Variants in COL20A1 observed in about 807,000 individuals in gnomAD.
COL20A1 encodes collagen alpha-1(XX) chain.
Under a neutral mutation model 152.9 loss-of-function variants are expected in COL20A1, and 164 were observed. The observed-to-expected ratio is 1.07, with a 90% confidence interval of 0.94 to 1.22. The LOEUF (loss-of-function observed/expected upper bound fraction) is 1.22, where lower values mean the gene tolerates loss of function less well. COL20A1 is among the 50% of genes most tolerant of loss of function. COL20A1 has a pLI of 0.00. For synonymous variants in COL20A1, 864 were observed against 756.0 expected (o/e 1.14, Z -2.34); for missense variants, 1,873 against 1,744.8 (o/e 1.07, Z -1.31).
chr20:63,328,242 C>T (rs2068281074), intron 33 of COL20A1, 89 bp from the exon 34 acceptor site: 3 of 1,552,480 alleles, frequency 1.9e-6, no homozygotes, highest in Admixed American at 1.8e-5. Context: ...ATCGTTAGCA[C>T]ACCTGGGCCA....
rs1297228522 is a variant in COL20A1, at chr20:63,311,565, G to A, written c.1539+26G>A. The A allele has an allele frequency of 6.2e-7, 1 of 1,608,240 alleles. No homozygotes were observed. On this transcript the variant is annotated intron_variant, in intron 12 of 35. Transcript: ENST00000358894. This position sits in a 1 kb window ranked among gnomAD's most constrained non-coding sequence, Gnocchi z 4.4. Reference sequence around the variant, plus strand: ...GTGAGCTGGGCCGGGGGGTGGCGGGGGAGGCAGAGGAGTGGGGCAGAGCGA... The same window carrying A: ...GTGAGCTGGGCCGGGGGGTGGCGGGAGAGGCAGAGGAGTGGGGCAGAGCGA...
intron 19 of COL20A1, among the ~76,000 whole-genome samples, chr20:63,315,072 G>A (rs1454401265): frequency 6.6e-6 from 1 of 152,246 alleles, no homozygotes; most frequent in African/African-American, 2.4e-5. Flanking sequence ...GGCCCTGCCA[G>A]TTCAGGGCAC....
rs1185273426 is a variant in COL20A1 at position 63,305,619 on chromosome 20, C to T, written c.337+59C>T. On this transcript the variant is annotated intron_variant, in intron 4 of 35. Coordinates refer to ENST00000358894, the MANE Select transcript of COL20A1 (RefSeq NM_020882.4). This position sits in a 1 kb window ranked among gnomAD's most constrained non-coding sequence, Gnocchi z 4.9. ...CCTCCAGGCCGGGTCCCACCCTCCT[C>T]TGGGCTGGGGTCCCACCCTCCTCCA... 5.3e-6 allele frequency: 8 copies of T among 1,513,386 alleles called. No homozygotes were observed. The highest frequency in any genetic ancestry group is 7.1e-6 in the Non-Finnish European group (8 of 1,128,070). The allele number at this position is 1,513,386 out of a possible 1,614,324, so 93.7% of individuals were successfully genotyped here.
chr20:63,310,050 C>T, intron 10 of COL20A1, 135 bp downstream of exon 10: 3 of 883,148 alleles, frequency 3.4e-6, no homozygotes, highest in Non-Finnish European at 1.7e-6. Flanking sequence ...GAGGGGCTGA[C>T]AGCCCAGGGA....
At chr20:63,322,211 GCAGCTTCC>G in intron 27 of COL20A1, 100 bp downstream of exon 27, 1 of 1,003,000 alleles carries the variant, frequency 1.0e-6, no homozygotes, top group Non-Finnish European at 1.4e-6. Context: ...GGAGCTGCAC[GCAGCTTCC>G]CTAGGCAGGG....
chr20:63,303,099 T>C (rs2067880199), intron 3 of COL20A1, among the ~76,000 whole-genome samples: 1 of 152,224 alleles, frequency 6.6e-6, no homozygotes, highest in Non-Finnish European at 1.5e-5. Context: ...GTAACCACAC[T>C]AGCGACCACA....
In COL20A1 at chr20:63,295,082, C is replaced by G; in HGVS notation, c.-10-16C>G. 6.6e-7 allele frequency: 1 copy of G among 1,518,912 alleles called. No individual in the cohort carries two copies. The highest frequency in any genetic ancestry group is 8.9e-7 in the Non-Finnish European group (1 of 1,121,962). 94.1% of individuals were successfully genotyped at this position (1,518,912 alleles called of 1,614,324 possible). A position where few individuals can be genotyped will look rare whatever the true frequency, so the allele number is the denominator to read the frequency against. On this transcript the variant is annotated splice_polypyrimidine_tract_variant and intron_variant, in intron 1 of 35. Coordinates refer to ENST00000358894, the MANE Select transcript of COL20A1 (RefSeq NM_020882.4). ...CGGGGGGACGGCTGAAGGGCATGGCCTCTTCCCTGCCACAGCCCGAGCACC... is the reference window on the plus strand; with the variant it reads ...CGGGGGGACGGCTGAAGGGCATGGCGTCTTCCCTGCCACAGCCCGAGCACC...
rs1208464265 is a variant in COL20A1, at chr20:63,305,784, C to G, written c.338-97C>G. 1.5e-6 allele frequency: 2 copies of G among 1,319,718 alleles called. No individual in the cohort carries two copies. The highest frequency in any genetic ancestry group is 2.9e-5 in the African/African-American group (2 of 68,498). The allele number at this position is 1,319,718 out of a possible 1,614,324, so 81.8% of individuals were successfully genotyped here. On this transcript the variant is annotated intron_variant, in intron 4 of 35. Transcript: ENST00000358894. This position sits in a 1 kb window ranked among gnomAD's most constrained non-coding sequence, Gnocchi z 4.9. The stretch of plus-strand genomic sequence containing the variant: ...GCCTCCCAGGCTCCTGGGCCCTCAG[C>G]ACCCACAGATGCGCCCTTGAAGGGG...
intron 3 of COL20A1, among the ~76,000 whole-genome samples, chr20:63,303,024 T>C (rs2067879178): frequency 6.6e-6 from 1 of 152,206 alleles, no homozygotes; most frequent in Non-Finnish European, 1.5e-5. Flanking sequence ...GATTGTTCAG[T>C]AGGTATGGGG....
rs999914766 is a variant in COL20A1 at position 63,334,575 on chromosome 20, G to A, written c.*3859G>A. On this transcript the variant is annotated 3_prime_UTR_variant, in exon 36 of 36. Transcript: ENST00000358894. ...AGGAACCACAGGCGTGCGCCACCAC[G>A]CTTGGCTAATGTTTTTTGTATTTTT... The A allele has an allele frequency of 6.6e-5, 10 of 152,278 alleles. No individual in the cohort carries two copies. Among genetic ancestry groups the A allele is most frequent in the East Asian group, 3.9e-4 (2 of 5,184 alleles). The allele number at this position is 152,278 out of a possible 1,614,324, so 9.4% of individuals were successfully genotyped here.
chr20:63,326,006 G>A (rs2068241313), intron 29 of COL20A1, 90 bp from the exon 30 acceptor site: 11 of 1,162,526 alleles, frequency 9.5e-6, no homozygotes, highest in Middle Eastern at 1.9e-4. Context: ...GGGTTACAGG[G>A]TGTGTTGGGT....
chr20:63,294,722 C>T (rs2067764687), intron 1 of COL20A1, among the ~76,000 whole-genome samples: 1 of 152,198 alleles, frequency 6.6e-6, no homozygotes, highest in South Asian at 2.1e-4. Flanking sequence ...TGCCTCAGCC[C>T]TCCGTGGCCC....
chr20:63,311,814 T>C lies in COL20A1; in HGVS notation c.1663+66T>C. 1 of 1,536,978 alleles carries C rather than the reference T, an allele frequency of 6.5e-7. No homozygotes were observed. The highest frequency in any genetic ancestry group is 2.4e-5 in the East Asian group (1 of 41,428). On this transcript the variant is annotated intron_variant, in intron 13 of 35. Coordinates refer to ENST00000358894, the MANE Select transcript of COL20A1 (RefSeq NM_020882.4). The surrounding 1 kb of genome is among the most constrained non-coding windows in gnomAD (Gnocchi z 4.4). ...CCCCATCTTGTTCCTCAGCCTTCCA[T>C]GGCATGGGAGACCTCAGGCCCCCTC...
At chr20:63,318,326 C>A (rs545916446) in intron 21 of COL20A1, among the ~76,000 whole-genome samples, 11 of 152,302 alleles carry the variant, frequency 7.2e-5, no homozygotes, top group African/African-American at 2.6e-4. Flanking sequence ...AGGAAGGTGG[C>A]TGGGCATCCT....
intron 1 of COL20A1, 130 bp from the exon 2 acceptor site, chr20:63,294,968 T>G: frequency 1.6e-6 from 1 of 623,412 alleles, no homozygotes; most frequent in Non-Finnish European, 2.9e-6. Context: ...TCCTCACACA[T>G]GTGAGGGGTG....
At chr20:63,326,258 A>C in intron 30 of COL20A1, 109 bp downstream of exon 30, 1 of 880,460 alleles carries the variant, frequency 1.1e-6, no homozygotes, top group Non-Finnish European at 1.9e-6. Flanking sequence ...TTACCCCAGG[A>C]AGTGCCTGGG....
At chr20:63,294,169 G>C (rs1339739352) in intron 1 of COL20A1, among the ~76,000 whole-genome samples, 1 of 11,928 alleles carries the variant, frequency 8.4e-5, no homozygotes, top group Admixed American at 5.9e-4. Flanking sequence ...GGGGAGGGGA[G>C]TGCGGGGGAG....
Position 63,307,634 on chromosome 20 carries a change from A to C in COL20A1, c.641A>C (p.Asp214Ala), listed in dbSNP as rs1277575367. ...SVIAPFEIGP[D>A]KVQVGLTQYS... is the part of the protein sequence containing the mutation. ...ATCGCACCCTTTGAAATCGGGCCGG[A>C]TAAGGTCCAAGTAGGTGGGTGCTGG... The change falls in exon 6 of 36, where the codon GAT becomes GCT. Residue 214 changes from aspartate to alanine, a missense_variant. Physicochemically the swap from Asp to Ala is moderately radical, Grantham distance 126. Transcript: ENST00000358894. 6.2e-7 allele frequency: 1 copy of C among 1,612,182 alleles called. No homozygotes were observed. Among genetic ancestry groups the C allele is most frequent in the Non-Finnish European group, 8.5e-7 (1 of 1,179,616 alleles).
intron 1 of COL20A1, among the ~76,000 whole-genome samples, chr20:63,293,786 T>TA (rs1028785529): frequency 1.3e-5 from 2 of 151,114 alleles, no homozygotes; most frequent in Admixed American, 1.3e-4. Flanking sequence ...ATCCCTGATT[T>TA]AAGCCGGTGG....
Sources: gnomAD v4.1 joint callset for allele counts (sites outside exome capture counted in the v4.1 genomes callset) on GRCh38, gnomAD v4.1.1 for gene constraint, Gnocchi (gnomAD v3.1) non-coding constraint, MANE v1.5 for transcripts, NCBI Gene and HGNC (gene_info 2026-07-23, HGNC 2026-07-21) for gene names.